Variants in DISC1 observed in about 807,000 individuals in gnomAD.
The protein encoded by DISC1 is disrupted in schizophrenia 1 protein.
A neutral mutation model predicts 84.5 loss-of-function variants in DISC1; 57 were observed. The ratio of observed to expected loss-of-function variants is 0.67; its 90% CI spans 0.55 to 0.84. DISC1 has a LOEUF of 0.84. Ranked by LOEUF, DISC1 falls within the 40% of genes least tolerant of loss-of-function variation. The pLI is 0.00. For synonymous variants in DISC1, 411 were observed against 415.2 expected (o/e 0.99, Z 0.12); for missense variants, 1,000 against 1,057.8 (o/e 0.95, Z 0.76).
intron 9 of DISC1, among the ~76,000 whole-genome samples, chr1:231,890,789 A>T (rs1354488913): frequency 1.3e-5 from 2 of 152,220 alleles, no homozygotes; most frequent in Non-Finnish European, 2.9e-5. Flanking sequence ...TATCCTCGTG[A>T]TTTCAGATAC....
At chr1:231,814,599 C>T (rs961931233) in intron 8 of DISC1, among the ~76,000 whole-genome samples, 3 of 152,168 alleles carry the variant, frequency 2.0e-5, no homozygotes, top group African/African-American at 7.2e-5. Context: ...CCCCACACGT[C>T]ATCATCCTGT....
rs780245731 is a variant in DISC1 at position 231,818,381 on chromosome 1, A to T, written c.1845A>T (p.Thr615=). 6.2e-7 allele frequency: 1 copy of T among 1,614,158 alleles called. No homozygotes were observed. The highest frequency in any genetic ancestry group is 8.5e-7 in the Non-Finnish European group (1 of 1,179,990). ...TCACCGAGGAGATTAGATCATTAACATCAGAGAGAGAAGGGCTGGAGGGAC... is the reference window on the plus strand; with the variant it reads ...TCACCGAGGAGATTAGATCATTAACTTCAGAGAGAGAAGGGCTGGAGGGAC... ...KDLTEEIRSL[T]SEREGLEGLL... is the part of the protein sequence containing the mutation. The change falls in exon 9 of 13, where the codon ACA becomes ACT. Residue 615 remains threonine, a synonymous_variant. Transcript: ENST00000439617.
intron 9 of DISC1, among the ~76,000 whole-genome samples, chr1:231,884,185 G>A (rs772412708): frequency 2.0e-5 from 3 of 152,178 alleles, no homozygotes; most frequent in Non-Finnish European, 4.4e-5. Flanking sequence ...CAACCTCCGA[G>A]TGTGAGAGAA....
intron 6 of DISC1, among the ~76,000 whole-genome samples, chr1:231,783,188 G>A (rs2077564701): frequency 6.6e-6 from 1 of 151,986 alleles, no homozygotes. Flanking sequence ...TTGGGGGTGG[G>A]GGAAAGCTCT....
chr1:231,771,830 G>T (rs976872722), intron 6 of DISC1, among the ~76,000 whole-genome samples: 3 of 152,072 alleles, frequency 2.0e-5, no homozygotes, highest in African/African-American at 7.2e-5. Flanking sequence ...AAGAGACAGG[G>T]TCTTGCTTTG....
intron 10 of DISC1, among the ~76,000 whole-genome samples, chr1:231,983,538 T>TG (rs1663924750): frequency 2.9e-4 from 1 of 3,394 alleles, no homozygotes. Flanking sequence ...GGGGGTGGGG[T>TG]GGGGGTGGGG....
intron 9 of DISC1, among the ~76,000 whole-genome samples, chr1:231,908,037 G>A (rs2126045632): frequency 6.6e-6 from 1 of 152,208 alleles, no homozygotes; most frequent in South Asian, 2.1e-4. Flanking sequence ...ACTTTTTCTT[G>A]TAAATTTGTT....
intron 9 of DISC1, among the ~76,000 whole-genome samples, chr1:231,884,950 C>T (rs1200289498): frequency 6.6e-6 from 1 of 152,152 alleles, no homozygotes; most frequent in Non-Finnish European, 1.5e-5. Context: ...CCTCTCTTCT[C>T]TCTCCCCCAG....
chr1:231,980,094 C>G (rs937267436), intron 10 of DISC1, among the ~76,000 whole-genome samples: 1 of 152,182 alleles, frequency 6.6e-6, no homozygotes, highest in Non-Finnish European at 1.5e-5. Flanking sequence ...TATTCTGTCT[C>G]CAACCTGACT....
chr1:231,973,714 C>G (rs1212767725), intron 10 of DISC1, among the ~76,000 whole-genome samples: 1 of 152,166 alleles, frequency 6.6e-6, no homozygotes, highest in African/African-American at 2.4e-5. Context: ...TCCGCATGCC[C>G]AAACAGTGGA....
chr1:231,970,939 A>G (rs1393456490), intron 10 of DISC1, among the ~76,000 whole-genome samples: 2 of 152,252 alleles, frequency 1.3e-5, no homozygotes, highest in Non-Finnish European at 2.9e-5. Flanking sequence ...GCCTGAGCTA[A>G]GGAAGAGACT....
At chr1:231,988,972 T>A in intron 10 of DISC1, among the ~76,000 whole-genome samples, 1 of 152,226 alleles carries the variant, frequency 6.6e-6, no homozygotes, top group South Asian at 2.1e-4. Context: ...TTCACCTTCA[T>A]GCCCAGACCT....
At chr1:231,647,188 T>C (rs2060209049) in intron 1 of DISC1, among the ~76,000 whole-genome samples, 1 of 152,262 alleles carries the variant, frequency 6.6e-6, no homozygotes, top group Non-Finnish European at 1.5e-5. Flanking sequence ...AGGGTTTTTA[T>C]GGTTTTAGGT....
intron 10 of DISC1, among the ~76,000 whole-genome samples, chr1:231,988,151 A>T (rs571005250): frequency 2.8e-4 from 42 of 152,074 alleles, no homozygotes; most frequent in Non-Finnish European, 5.9e-4. Context: ...GCGCCACTGC[A>T]CTCCAGCCTG....
intron 6 of DISC1, among the ~76,000 whole-genome samples, chr1:231,783,019 G>A (rs796366517): frequency 1.4e-4 from 21 of 152,226 alleles, no homozygotes; most frequent in African/African-American, 5.1e-4. Flanking sequence ...GGGAGCAACT[G>A]GACATTACTT....
intron 9 of DISC1, among the ~76,000 whole-genome samples, chr1:231,849,410 G>A (rs12752095): frequency 0.19 from 29,331 of 152,120 alleles, 2,878 homozygotes; most frequent in Middle Eastern, 0.31. Flanking sequence ...GTGAGCCACC[G>A]TGCCTGGCCT....
At chr1:232,022,321 T>C (rs984927396) in intron 11 of DISC1, among the ~76,000 whole-genome samples, 6 of 151,536 alleles carry the variant, frequency 4.0e-5, no homozygotes, top group African/African-American at 1.5e-4. Flanking sequence ...CTTTTTTTTT[T>C]TTTTTTGAGA....
chr1:231,717,889 G>A (rs2068986698), intron 3 of DISC1, among the ~76,000 whole-genome samples: 1 of 152,012 alleles, frequency 6.6e-6, no homozygotes, highest in African/African-American at 2.4e-5. Flanking sequence ...CAATACTATT[G>A]TATAGAATGT....
chr1:231,797,091 G>T (rs1028740791), intron 7 of DISC1, among the ~76,000 whole-genome samples: 4 of 152,114 alleles, frequency 2.6e-5, no homozygotes, highest in Non-Finnish European at 4.4e-5. Context: ...ACTGTCTTGG[G>T]TCTGAGTTTA....
Sources: gnomAD v4.1 joint callset for allele counts (sites outside exome capture counted in the v4.1 genomes callset) on GRCh38, gnomAD v4.1.1 for gene constraint, MANE v1.5 for transcripts, NCBI Gene and HGNC (gene_info 2026-07-23, HGNC 2026-07-21) for gene names.